The following ZNF469 variants were observed in gnomAD, a reference collection of about 807,000 sequenced individuals.
The protein encoded by ZNF469 is zinc finger protein 469.
ZNF469 carries 1 observed loss-of-function variant against 1.0 expected under a neutral mutation model. The ratio of observed to expected loss-of-function variants is 1.00; its 90% CI spans 0.35 to 4.73. The LOEUF is 4.73. Among genes scored for constraint, ZNF469 ranks in the 30% most tolerant of loss-of-function variants. The pLI is 0.16. For missense variants in ZNF469, 6,100 were observed against 5,356.3 expected (o/e 1.14, Z -4.33); for synonymous variants, 2,703 against 2,363.4 (o/e 1.14, Z -4.17).
the ZNF469 span, among the ~76,000 whole-genome samples, chr16:88,148,358 G>T: frequency 6.6e-6 from 1 of 152,184 alleles, no homozygotes; most frequent in South Asian, 2.1e-4. Flanking sequence ...ACAAGAGGAT[G>T]CCCTGCTCCA....
the ZNF469 span, among the ~76,000 whole-genome samples, chr16:88,296,910 G>A: frequency 6.6e-6 from 1 of 152,194 alleles, no homozygotes; most frequent in African/African-American, 2.4e-5. Context: ...GCAGCACGTT[G>A]GATGCAGCTG....
chr16:88,236,112 G>A, the ZNF469 span, among the ~76,000 whole-genome samples: 87,025 of 148,242 alleles, frequency 0.59, 25,723 homozygotes, highest in South Asian at 0.73. Flanking sequence ...CTCATAGGGG[G>A]CTGCCCTTCA....
chr16:88,325,343 C>T, the ZNF469 span, among the ~76,000 whole-genome samples: 1 of 152,222 alleles, frequency 6.6e-6, no homozygotes, highest in African/African-American at 2.4e-5. Context: ...CCAGACTGCA[C>T]AATTGGTGGC....
At chr16:88,108,644 A>C in the ZNF469 span, among the ~76,000 whole-genome samples, 1 of 152,182 alleles carries the variant, frequency 6.6e-6, no homozygotes, top group South Asian at 2.1e-4. Flanking sequence ...GACTTCCCTG[A>C]AAGCAGGTGG....
In ZNF469 at chr16:88,429,020, G is replaced by T. The variant is rs758781186; in HGVS notation, c.1550G>T (p.Ser517Ile). Reference protein sequence around the residue: ...PAGGPEWQGGSQGALGTAGKT... With the variant: ...PAGGPEWQGGIQGALGTAGKT... ...GGGGGCCCCGAGTGGCAGGGGGGCA[G>T]CCAAGGAGCCCTGGGCACTGCTGGC... The change falls in exon 3 of 3, where the codon AGC becomes ATC. Residue 517 changes from serine (S) to isoleucine (I), a missense_variant. Transcript: ENST00000565624. 68 of 1,549,068 alleles carry T rather than the reference G, an allele frequency of 4.4e-5. No homozygotes were observed. The highest frequency in any genetic ancestry group is 1.7e-4 in the Middle Eastern group (1 of 6,012).
rs1906412793 is a variant in ZNF469, at chr16:88,434,315, C to T, written c.6845C>T (p.Ala2282Val). 6.5e-7 allele frequency: 1 copy of T among 1,550,236 alleles called. No homozygotes were observed. Among genetic ancestry groups the T allele is most frequent in the African/African-American group, 1.4e-5 (1 of 73,060 alleles). ...PLAGAVSPSV[A>V]VRATGLSSTP... ...GCAGGGGCCGTCTCCCCCAGCGTGG[C>T]CGTCAGGGCTACTGGCCTGTCCAGC... is the stretch of plus-strand genomic sequence containing the variant. The change falls in exon 3 of 3, where the codon GCC becomes GTC. Residue 2282 changes from alanine (A) to valine (V), a missense_variant. Transcript: ENST00000565624.
intron 1 of ZNF469, among the ~76,000 whole-genome samples, chr16:88,419,053 G>A (rs1905381230): frequency 1.3e-5 from 2 of 152,222 alleles, no homozygotes; most frequent in East Asian, 1.9e-4. Flanking sequence ...ACGATGCTCA[G>A]GATGAAGGCC....
chr16:88,257,569 C>T, the ZNF469 span, among the ~76,000 whole-genome samples: 6 of 152,274 alleles, frequency 3.9e-5, no homozygotes, highest in African/African-American at 1.4e-4. Flanking sequence ...GGTGCTGGAT[C>T]TAAAAAGTCA....
chr16:88,283,570 A>C, the ZNF469 span, among the ~76,000 whole-genome samples: 1 of 152,124 alleles, frequency 6.6e-6, no homozygotes, highest in Non-Finnish European at 1.5e-5. Context: ...TTTCCCAATA[A>C]AATGCTGGGA....
chr16:88,136,589 G>A, the ZNF469 span, among the ~76,000 whole-genome samples: 5 of 152,280 alleles, frequency 3.3e-5, no homozygotes, highest in African/African-American at 1.2e-4. Flanking sequence ...GCTAGCAGAT[G>A]TAGCGTGGGC....
the ZNF469 span, among the ~76,000 whole-genome samples, chr16:88,275,514 C>A: frequency 6.6e-6 from 1 of 152,188 alleles, no homozygotes; most frequent in Non-Finnish European, 1.5e-5. Context: ...CCTTCCGGGG[C>A]GTTGATGGCG....
intron 1 of ZNF469, among the ~76,000 whole-genome samples, chr16:88,386,347 C>G (rs978223534): frequency 6.6e-6 from 1 of 152,076 alleles, no homozygotes; most frequent in Non-Finnish European, 1.5e-5. Context: ...GATGTGTGTT[C>G]TCTCTTCCCG....
the ZNF469 span, among the ~76,000 whole-genome samples, chr16:88,231,258 G>A: frequency 6.6e-6 from 1 of 152,292 alleles, no homozygotes; most frequent in East Asian, 1.9e-4. The surrounding 1 kb of genome is among the most constrained non-coding windows in gnomAD (Gnocchi z 4.5). Context: ...GAGGGAGACA[G>A]CACCTGGAGG....
At chr16:88,341,413 A>G in the ZNF469 span, among the ~76,000 whole-genome samples, 32,594 of 152,046 alleles carry the variant, frequency 0.21, 4,603 homozygotes, top group African/African-American at 0.4. Flanking sequence ...GGGCAGCGTG[A>G]GGCAGGGCCG....
At chr16:88,115,315 A>C in the ZNF469 span, among the ~76,000 whole-genome samples, 5 of 152,070 alleles carry the variant, frequency 3.3e-5, no homozygotes, top group Admixed American at 6.5e-5. Context: ...TTTCATAATC[A>C]GAAAAACACA....
In ZNF469 at chr16:88,401,016, T is replaced by A. The variant is rs941314667; in HGVS notation, c.-192+17762T>A. On this transcript the variant is annotated intron_variant, in intron 1 of 2. Coordinates refer to ENST00000565624, the MANE Select transcript of ZNF469 (RefSeq NM_001367624.2). The stretch of plus-strand genomic sequence containing the variant: ...CCACTGCAGGAAAAAGAAGAGGCCA[T>A]TGTCCCCCACCAAGCCTGGCTCCCT... 1.1e-4 allele frequency among the ~76,000 whole-genome samples: 16 copies of A among 152,054 alleles called. 1 individual carries two copies. The highest frequency in any genetic ancestry group is 3.9e-4 in the African/African-American group (16 of 41,470).
At chr16:88,107,953 C>T in the ZNF469 span, among the ~76,000 whole-genome samples, 1 of 152,258 alleles carries the variant, frequency 6.6e-6, no homozygotes, top group Non-Finnish European at 1.5e-5. Context: ...GGTGCCCTCC[C>T]ATGCCCTGCA....
At chr16:88,154,695 T>G in the ZNF469 span, among the ~76,000 whole-genome samples, 1 of 152,334 alleles carries the variant, frequency 6.6e-6, no homozygotes, top group African/African-American at 2.4e-5. Context: ...GTGAGCTGCA[T>G]GGGGCGGATT....
the ZNF469 span, among the ~76,000 whole-genome samples, chr16:88,190,724 T>C: frequency 1.3e-5 from 2 of 152,066 alleles, no homozygotes; most frequent in Non-Finnish European, 2.9e-5. Flanking sequence ...CAGAGGAGGG[T>C]GTTGGCTTGA....
Sources: gnomAD v4.1 joint callset for allele counts (sites outside exome capture counted in the v4.1 genomes callset) on GRCh38, gnomAD v4.1.1 for gene constraint, Gnocchi (gnomAD v3.1) non-coding constraint, MANE v1.5 for transcripts, NCBI Gene and HGNC (gene_info 2026-07-23, HGNC 2026-07-21) for gene names.